MALRD1: variants seen among roughly 807,000 people sequenced by gnomAD.
MALRD1 encodes MAM and LDL receptor class A domain containing 1.
A neutral mutation model predicts 242.1 loss-of-function variants in MALRD1; 247 were observed. The ratio of observed to expected loss-of-function variants is 1.02; its 90% CI spans 0.92 to 1.13. MALRD1 has a LOEUF of 1.13. Among genes scored for constraint, MALRD1 ranks in the 50% most tolerant of loss-of-function variants. The probability of loss-of-function intolerance (pLI) is 0.00; values close to 1 mark genes in which losing one functional copy is unlikely to be tolerated. For synonymous variants in MALRD1, 995 were observed against 866.6 expected (o/e 1.15, Z -2.60); for missense variants, 2,989 against 2,533.1 (o/e 1.18, Z -3.86).
intron 36 of MALRD1, among the ~76,000 whole-genome samples, chr10:19,650,036 A>T (rs1840799387): frequency 6.6e-6 from 1 of 152,182 alleles, no homozygotes; most frequent in Non-Finnish European, 1.5e-5. Flanking sequence ...AAAGGAAAGT[A>T]TGATCTTAAT....
At chr10:19,280,335 G>A in intron 20 of MALRD1, 112 bp downstream of exon 20, 1 of 739,496 alleles carries the variant, frequency 1.4e-6, no homozygotes, top group Non-Finnish European at 1.9e-6. Flanking sequence ...ACATGAGTTA[G>A]AGCAACTTCT....
At chr10:19,343,047 C>G (rs551507864) in intron 24 of MALRD1, among the ~76,000 whole-genome samples, 32 of 152,104 alleles carry the variant, frequency 2.1e-4, no homozygotes, top group African/African-American at 7.5e-4. Flanking sequence ...ATTATTTACC[C>G]TCAAAACTGC....
chr10:19,345,188 A>C (rs1396249608), intron 24 of MALRD1, among the ~76,000 whole-genome samples: 2 of 151,950 alleles, frequency 1.3e-5, no homozygotes, highest in Non-Finnish European at 2.9e-5. Flanking sequence ...ACATAACTTC[A>C]AAACAAGGGA....
At position 19,209,687 on chromosome 10, in the gene MALRD1, A is replaced by T; in HGVS notation, c.2991+7A>T. On this transcript the variant is annotated splice_region_variant and intron_variant, in intron 18 of 39. Coordinates refer to ENST00000454679, the MANE Select transcript of MALRD1 (RefSeq NM_001142308.3). ...CAGCAGGCAGCCCTTTCAGGTATGGATAATAGATTTTATAATGTACATTTG... is the reference window on the plus strand; with the variant it reads ...CAGCAGGCAGCCCTTTCAGGTATGGTTAATAGATTTTATAATGTACATTTG... 6.5e-7 allele frequency: 1 copy of T among 1,529,704 alleles called. No homozygotes were observed. The highest frequency in any genetic ancestry group is 8.8e-7 in the Non-Finnish European group (1 of 1,137,460). 94.8% of individuals were successfully genotyped at this position (1,529,704 alleles called of 1,614,324 possible). A position where few individuals can be genotyped will look rare whatever the true frequency, so the allele number is the denominator to read the frequency against.
At chr10:19,228,557 A>T (rs1299158489) in intron 18 of MALRD1, among the ~76,000 whole-genome samples, 2 of 152,218 alleles carry the variant, frequency 1.3e-5, no homozygotes, top group African/African-American at 4.8e-5. Flanking sequence ...ACTTAAATGG[A>T]GCTGTAAATA....
At chr10:19,228,259 C>A (rs775785683) in intron 18 of MALRD1, among the ~76,000 whole-genome samples, 41 of 152,096 alleles carry the variant, frequency 2.7e-4, no homozygotes, top group Non-Finnish European at 4.9e-4. Context: ...AAGTGAATAT[C>A]AAAAGCATTA....
intron 34 of MALRD1, among the ~76,000 whole-genome samples, chr10:19,600,406 C>G (rs1377751082): frequency 1.3e-5 from 2 of 152,112 alleles, no homozygotes; most frequent in African/African-American, 2.4e-5. Context: ...AAATTATTAT[C>G]CTTTCCCCAT....
intron 24 of MALRD1, among the ~76,000 whole-genome samples, chr10:19,347,396 C>T (rs1844180623): frequency 1.3e-5 from 2 of 152,098 alleles, no homozygotes; most frequent in African/African-American, 4.8e-5. Flanking sequence ...CAGCATTACC[C>T]AACCTAAAAT....
chr10:19,275,218 A>G (rs1158463777), intron 19 of MALRD1, among the ~76,000 whole-genome samples: 1 of 152,174 alleles, frequency 6.6e-6, no homozygotes, highest in Non-Finnish European at 1.5e-5. Flanking sequence ...GTTTAAAGTT[A>G]TTCATAATTA....
chr10:19,250,109 A>G (rs551219061), intron 18 of MALRD1, among the ~76,000 whole-genome samples: 133 of 152,108 alleles, frequency 8.7e-4, no homozygotes, highest in African/African-American at 3.0e-3. Context: ...AAAAAATGAC[A>G]TTTAAGAATT....
Position 19,543,554 on chromosome 10 carries a change from C to G in MALRD1, c.5478+12203C>G, listed in dbSNP as rs187748885. On this transcript the variant is annotated intron_variant, in intron 32 of 39. Coordinates refer to ENST00000454679, the MANE Select transcript of MALRD1 (RefSeq NM_001142308.3). ...ATCCCAAAGTGCTGAGATTACAGGT[C>G]TGAGCCACCATACTAGGCTTACTCC... 4.3e-3 allele frequency among the ~76,000 whole-genome samples: 639 copies of G among 149,028 alleles called. 12 individuals are homozygous for G. Among genetic ancestry groups the G allele is most frequent in the Middle Eastern group, 0.028 (8 of 282 alleles).
intron 36 of MALRD1, among the ~76,000 whole-genome samples, chr10:19,660,477 T>G (rs1356415314): frequency 6.6e-6 from 1 of 152,096 alleles, no homozygotes; most frequent in Non-Finnish European, 1.5e-5. Flanking sequence ...GTATGCATGA[T>G]GAGTTTAATG....
At chr10:19,623,332 G>T (rs1044594301) in intron 36 of MALRD1, among the ~76,000 whole-genome samples, 6 of 151,986 alleles carry the variant, frequency 3.9e-5, no homozygotes, top group Admixed American at 6.6e-5. Flanking sequence ...TCACAGAGAA[G>T]AAAGAGATAA....
intron 36 of MALRD1, among the ~76,000 whole-genome samples, chr10:19,686,329 C>T (rs753186532): frequency 2.0e-5 from 3 of 152,136 alleles, no homozygotes; most frequent in Admixed American, 6.5e-5. Flanking sequence ...GGGCTGTCTG[C>T]ATGTGTGGGG....
chr10:19,727,751 A>T (rs1328625757), intron 38 of MALRD1, among the ~76,000 whole-genome samples: 1 of 144,554 alleles, frequency 6.9e-6, no homozygotes, highest in African/African-American at 2.5e-5. Context: ...TGACAAATAC[A>T]GTAAGTCAAA....
chr10:19,350,853 GCTGT>G (rs1475553764), intron 25 of MALRD1, among the ~76,000 whole-genome samples: 1 of 152,094 alleles, frequency 6.6e-6, no homozygotes, highest in Admixed American at 6.6e-5. Context: ...GTCCTGGGAT[GCTGT>G]CTGAGAGGTT....
intron 38 of MALRD1, among the ~76,000 whole-genome samples, chr10:19,712,269 G>A (rs977958703): frequency 2.6e-5 from 4 of 152,072 alleles, no homozygotes; most frequent in Admixed American, 2.0e-4. Flanking sequence ...TTAAGAAATC[G>A]AATAAAATCC....
chr10:19,501,663 T>C (rs145024757), intron 31 of MALRD1, among the ~76,000 whole-genome samples: 140 of 152,316 alleles, frequency 9.2e-4, no homozygotes, highest in African/African-American at 3.3e-3. Flanking sequence ...GATAAAAGGA[T>C]ACATACTTGT....
chr10:19,446,699 A>G (rs1329425896), intron 28 of MALRD1, among the ~76,000 whole-genome samples: 1 of 152,230 alleles, frequency 6.6e-6, no homozygotes, highest in East Asian at 1.9e-4. Flanking sequence ...TGAGGAATCA[A>G]TTCAAAATTT....
Sources: gnomAD v4.1 joint callset for allele counts (sites outside exome capture counted in the v4.1 genomes callset) on GRCh38, gnomAD v4.1.1 for gene constraint, MANE v1.5 for transcripts, NCBI Gene and HGNC (gene_info 2026-07-23, HGNC 2026-07-21) for gene names.